The following PDE1C variants were observed in gnomAD, a reference collection of about 807,000 sequenced individuals.
PDE1C encodes the protein dual specificity calcium/calmodulin-dependent 3',5'-cyclic nucleotide phosphodiesterase 1C.
PDE1C carries 62 observed loss-of-function variants against 93.1 expected under a neutral mutation model. That is an observed-to-expected ratio of 0.67 (90% CI 0.54 to 0.82). PDE1C has a LOEUF of 0.82. PDE1C is among the 40% of genes least tolerant of loss of function. The probability of loss-of-function intolerance (pLI) is 0.00; values close to 1 mark genes in which losing one functional copy is unlikely to be tolerated. For missense variants in PDE1C, 742 were observed against 884.6 expected (o/e 0.84, Z 2.04); for synonymous variants, 325 against 310.1 (o/e 1.05, Z -0.50).
chr7:31,787,146 G>A (rs749689184), intron 16 of PDE1C: 26 of 152,048 alleles, frequency 1.7e-4, no homozygotes, highest in Non-Finnish European at 3.4e-4. Flanking sequence ...GTATCTAAAG[G>A]CATGGTTCCA....
chr7:31,765,565 A>G (rs1007499977), intron 17 of PDE1C, among the ~76,000 whole-genome samples: 2 of 152,196 alleles, frequency 1.3e-5, no homozygotes, highest in Non-Finnish European at 2.9e-5. Flanking sequence ...ACAGTGGCCA[A>G]TTTCAGAAGA....
intron 3 of PDE1C, among the ~76,000 whole-genome samples, chr7:32,118,683 A>G (rs1366636004): frequency 6.6e-6 from 1 of 152,176 alleles, no homozygotes; most frequent in Non-Finnish European, 1.5e-5. Context: ...TCATCTTTTT[A>G]TCAGGAGCCC....
chr7:32,182,734 T>C (rs1803532849), intron 2 of PDE1C, among the ~76,000 whole-genome samples: 1 of 152,156 alleles, frequency 6.6e-6, no homozygotes, highest in Non-Finnish European at 1.5e-5. Context: ...CTTTGAAAAC[T>C]GGCACAAGAC....
the PDE1C span, among the ~76,000 whole-genome samples, chr7:31,640,550 G>A: frequency 1.2e-4 from 18 of 152,144 alleles, no homozygotes; most frequent in Non-Finnish European, 1.9e-4. Context: ...CTCTCAAAGC[G>A]CTAAGCTGGG....
At chr7:32,365,653 A>T (rs1784216752) in intron 1 of PDE1C, among the ~76,000 whole-genome samples, 1 of 152,198 alleles carries the variant, frequency 6.6e-6, no homozygotes, top group African/African-American at 2.4e-5. Context: ...CAACTGGGCA[A>T]TCATGCTCCT....
intron 2 of PDE1C, among the ~76,000 whole-genome samples, chr7:31,961,146 T>C (rs1267380131): frequency 6.6e-6 from 1 of 152,116 alleles, no homozygotes; most frequent in Non-Finnish European, 1.5e-5. Flanking sequence ...TCTAGCTTAG[T>C]TTATATTGTC....
At chr7:32,220,713 G>A (rs1424362331) in intron 1 of PDE1C, among the ~76,000 whole-genome samples, 2 of 152,218 alleles carry the variant, frequency 1.3e-5, no homozygotes, top group Non-Finnish European at 1.5e-5. Context: ...AGCTACTCGG[G>A]AGGCTGAGGC....
intron 1 of PDE1C, among the ~76,000 whole-genome samples, chr7:32,296,175 T>C (rs550577082): frequency 3.1e-4 from 47 of 152,368 alleles, no homozygotes; most frequent in Non-Finnish European, 5.7e-4. Flanking sequence ...CAGTTGATTT[T>C]CTTTCTTCCT....
chr7:31,996,451 A>C (rs915822732), intron 2 of PDE1C, among the ~76,000 whole-genome samples: 1 of 152,242 alleles, frequency 6.6e-6, no homozygotes, highest in Non-Finnish European at 1.5e-5. Context: ...CTAGAGAGGC[A>C]AAAGGGAAAG....
At chr7:31,642,165 T>C in the PDE1C span, 1 of 1,553,096 alleles carries the variant, frequency 6.4e-7, no homozygotes, top group Non-Finnish European at 8.7e-7. Context: ...AAGACCTCTT[T>C]CATTCTGCAG....
At chr7:32,041,698 G>A (rs577352201) in intron 2 of PDE1C, among the ~76,000 whole-genome samples, 3 of 152,284 alleles carry the variant, frequency 2.0e-5, no homozygotes, top group Non-Finnish European at 4.4e-5. Flanking sequence ...TGTTAAGTAC[G>A]AAAATAGACA....
intron 1 of PDE1C, among the ~76,000 whole-genome samples, chr7:32,394,911 G>A (rs1784814757): frequency 6.6e-6 from 1 of 151,890 alleles, no homozygotes; most frequent in Non-Finnish European, 1.5e-5. Flanking sequence ...TGACATGCTG[G>A]CTCCTCCTTG....
the PDE1C span, among the ~76,000 whole-genome samples, chr7:31,736,611 T>C: frequency 1.3e-5 from 2 of 152,234 alleles, no homozygotes; most frequent in Non-Finnish European, 2.9e-5. Context: ...TGCTTGCTAA[T>C]GCTAGAGCCT....
At chr7:32,122,758 A>G (rs1799367364) in intron 3 of PDE1C, among the ~76,000 whole-genome samples, 1 of 152,210 alleles carries the variant, frequency 6.6e-6, no homozygotes, top group Admixed American at 6.5e-5. Context: ...CACATCATAA[A>G]GCTACAAAGA....
rs565990738 is a variant in PDE1C at position 31,821,397 on chromosome 7, T to C, written c.1582+1676A>G. Among the ~76,000 whole-genome samples the C allele has an allele frequency of 8.8e-4, 134 of 152,290 alleles. 1 individual carries two copies. Among genetic ancestry groups the C allele is most frequent in the African/African-American group, 3.1e-3 (130 of 41,570 alleles). On this transcript the variant is annotated intron_variant, in intron 14 of 17. Transcript: ENST00000396191. The stretch of plus-strand genomic sequence containing the variant: ...GATTAGTTTCTGAAGGTAATTTTAG[T>C]AAGCCAGATAATTGCAAACAAATTA...
chr7:31,786,853 G>A (rs1036189283), intron 16 of PDE1C: 3 of 151,898 alleles, frequency 2.0e-5, no homozygotes, highest in Non-Finnish European at 4.4e-5. Context: ...CATCATCAAA[G>A]TCTCTGCTCA....
chr7:32,045,912 T>C (rs1030880629), intron 2 of PDE1C, among the ~76,000 whole-genome samples: 2 of 152,186 alleles, frequency 1.3e-5, no homozygotes, highest in African/African-American at 4.8e-5. Flanking sequence ...TGATGACTTA[T>C]TAGCTATGTC....
At chr7:32,374,359 C>T (rs215713) in intron 1 of PDE1C, among the ~76,000 whole-genome samples, 148,435 of 152,312 alleles carry the variant, frequency 0.97, 72,346 homozygotes, top group East Asian at 1. Flanking sequence ...GGTAGACTTA[C>T]GACTCATTTG....
rs550800423 is a variant in PDE1C at position 31,872,537 on chromosome 7, C to A, written c.609+755G>T. ...ATTTGTACCAATTAAAAAACAGATA[C>A]CTCTCCAAATACACAGTCCCTAGGA... On this transcript the variant is annotated intron_variant, in intron 6 of 17. Coordinates refer to ENST00000396191, the MANE Select transcript of PDE1C (RefSeq NM_001191057.4). Among the ~76,000 whole-genome samples the A allele has an allele frequency of 5.9e-5, 9 of 152,088 alleles. No individual in the cohort carries two copies. The South Asian group carries it at 1.9e-3, about 32-fold the overall frequency.
Sources: allele counts gnomAD v4.1 joint callset (sites outside exome capture counted in the v4.1 genomes callset), GRCh38; gene constraint gnomAD v4.1.1; transcripts MANE v1.5; gene names NCBI Gene and HGNC (gene_info 2026-07-23, HGNC 2026-07-21).